GPC5: variants seen among roughly 807,000 people sequenced by gnomAD.
GPC5 encodes glypican-5.
In GPC5, 47 loss-of-function variants were observed where a neutral mutation model predicts 53.9. The ratio of observed to expected loss-of-function variants is 0.87; its 90% CI spans 0.69 to 1.11. The LOEUF is 1.11. GPC5 is among the 50% of genes most tolerant of loss of function. The pLI is 0.00. For synonymous variants in GPC5, 286 were observed against 263.3 expected, an observed-to-expected ratio of 1.09 and a Z score of -0.84; for missense variants, 748 against 713.1, an observed-to-expected ratio of 1.05 and a Z score of -0.56.
chr13:91,533,148 C>A (rs983536881), intron 2 of GPC5, among the ~76,000 whole-genome samples: 1 of 152,026 alleles, frequency 6.6e-6, no homozygotes, highest in African/African-American at 2.4e-5. Context: ...GTAAGAAAAC[C>A]ATGTAGGCAG....
chr13:92,747,916 G>C (rs1217380404), intron 7 of GPC5, among the ~76,000 whole-genome samples: 1 of 152,110 alleles, frequency 6.6e-6, no homozygotes, highest in African/African-American at 2.4e-5. Context: ...TCATACATAA[G>C]ATGTAAAGCC....
intron 2 of GPC5, among the ~76,000 whole-genome samples, chr13:91,481,965 T>C (rs7987869): frequency 0.57 from 86,212 of 151,988 alleles, 25,465 homozygotes; most frequent in African/African-American, 0.75. Flanking sequence ...TTACACCTGA[T>C]TCAAATTTGA....
chr13:92,594,571 C>T (rs1032770578), intron 7 of GPC5, among the ~76,000 whole-genome samples: 2 of 152,190 alleles, frequency 1.3e-5, no homozygotes, highest in Non-Finnish European at 2.9e-5. Context: ...GATCCTATAG[C>T]AATAACCCAT....
At chr13:92,236,616 G>A (rs1274592254) in intron 7 of GPC5, among the ~76,000 whole-genome samples, 1 of 151,970 alleles carries the variant, frequency 6.6e-6, no homozygotes, top group Admixed American at 6.6e-5. Flanking sequence ...TTTCATGGAT[G>A]CTTAATTTTA....
intron 7 of GPC5, among the ~76,000 whole-genome samples, chr13:92,863,570 C>T (rs1879249160): frequency 6.6e-6 from 1 of 152,078 alleles, no homozygotes; most frequent in African/African-American, 2.4e-5. Flanking sequence ...CTAGGCTCAC[C>T]GCAACCTCCA....
chr13:91,640,107 A>AT (rs1555332879), intron 2 of GPC5, among the ~76,000 whole-genome samples: 2 of 152,026 alleles, frequency 1.3e-5, no homozygotes, highest in Non-Finnish European at 2.9e-5. Flanking sequence ...TGAATGGTTA[A>AT]TTTTTTTCTA....
chr13:92,558,839 C>A (rs1359388459), intron 7 of GPC5, among the ~76,000 whole-genome samples: 1 of 151,922 alleles, frequency 6.6e-6, no homozygotes, highest in African/African-American at 2.4e-5. Context: ...CACATGCAGG[C>A]AATGACATAC....
At chr13:92,688,055 G>C (rs1887293208) in intron 7 of GPC5, among the ~76,000 whole-genome samples, 1 of 89,860 alleles carries the variant, frequency 1.1e-5, no homozygotes, top group African/African-American at 5.2e-5. Context: ...GCCCTGCTTT[G>C]GTATCAGAAT....
intron 7 of GPC5, among the ~76,000 whole-genome samples, chr13:92,245,312 C>T (rs550171472): frequency 1.8e-4 from 27 of 152,214 alleles, no homozygotes; most frequent in Middle Eastern, 3.4e-3. Context: ...AAGTAGCTTC[C>T]GCATCCTATC....
At chr13:92,381,965 T>A (rs2043751469) in intron 7 of GPC5, among the ~76,000 whole-genome samples, 1 of 100,690 alleles carries the variant, frequency 9.9e-6, no homozygotes, top group South Asian at 2.9e-4. Flanking sequence ...TATGTATGTA[T>A]CTATCTATCT....
intron 7 of GPC5, among the ~76,000 whole-genome samples, chr13:92,761,026 T>C (rs765253441): frequency 4.6e-5 from 7 of 152,182 alleles, no homozygotes; most frequent in Non-Finnish European, 7.3e-5. Flanking sequence ...CTTGATATGA[T>C]TTAGATCTTC....
chr13:91,498,041 G>A (rs535240763), intron 2 of GPC5, among the ~76,000 whole-genome samples: 11 of 151,768 alleles, frequency 7.2e-5, no homozygotes, highest in Admixed American at 5.9e-4. Flanking sequence ...CACCTAGAGT[G>A]ATATTCAAAC....
chr13:92,613,569 T>TAATTTATATACA (rs1259540939), intron 7 of GPC5, among the ~76,000 whole-genome samples: 7 of 126,736 alleles, frequency 5.5e-5, no homozygotes, highest in African/African-American at 2.2e-4. Context: ...CAATAATATA[T>TAATTTATATACA]ATAATATATA....
At chr13:92,504,520 C>A (rs1880297781) in intron 7 of GPC5, among the ~76,000 whole-genome samples, 1 of 151,894 alleles carries the variant, frequency 6.6e-6, no homozygotes, top group African/African-American at 2.4e-5. Context: ...GACAAAAGTG[C>A]TAAGGTGATA....
intron 7 of GPC5, among the ~76,000 whole-genome samples, chr13:92,441,049 T>C (rs2374013): frequency 0.22 from 33,474 of 152,176 alleles, 4,662 homozygotes; most frequent in Non-Finnish European, 0.3. Context: ...GCAGAAGCTC[T>C]TTAGTTTAAT....
intron 6 of GPC5, among the ~76,000 whole-genome samples, chr13:92,090,546 C>A (rs550137062): frequency 1.3e-5 from 2 of 152,228 alleles, no homozygotes; most frequent in East Asian, 3.9e-4. Flanking sequence ...GACTTCCCAC[C>A]CTCCAGAACT....
At chr13:91,711,878 T>C (rs1482771176) in intron 3 of GPC5, among the ~76,000 whole-genome samples, 3 of 152,162 alleles carry the variant, frequency 2.0e-5, no homozygotes, top group Non-Finnish European at 2.9e-5. Flanking sequence ...CTGGGTAGCT[T>C]CAAGTTTATG....
At chr13:92,170,203 G>T (rs186794047) in intron 7 of GPC5, among the ~76,000 whole-genome samples, 1 of 151,666 alleles carries the variant, frequency 6.6e-6, no homozygotes, top group East Asian at 1.9e-4. Context: ...GGTTACTCTA[G>T]TTTCTATGTT....
At chr13:92,314,519 T>C (rs1439291700) in intron 7 of GPC5, among the ~76,000 whole-genome samples, 1 of 152,224 alleles carries the variant, frequency 6.6e-6, no homozygotes, top group Non-Finnish European at 1.5e-5. Flanking sequence ...CTGTTTTCTT[T>C]GATTAATTAA....
Sources: allele counts gnomAD v4.1 joint callset (sites outside exome capture counted in the v4.1 genomes callset), GRCh38; gene constraint gnomAD v4.1.1; transcripts MANE v1.5; gene names NCBI Gene and HGNC (gene_info 2026-07-23, HGNC 2026-07-21).